The following PRKN variants were observed in gnomAD, a reference collection of about 807,000 sequenced individuals.
The protein encoded by PRKN is E3 ubiquitin-protein ligase parkin.
In PRKN, 56 loss-of-function variants were observed where a neutral mutation model predicts 59.5. That is an observed-to-expected ratio of 0.94 (90% CI 0.76 to 1.18). The LOEUF (loss-of-function observed/expected upper bound fraction) is 1.18, where lower values mean the gene tolerates loss of function less well. Among genes scored for constraint, PRKN ranks in the 50% most tolerant of loss-of-function variants. PRKN has a pLI of 0.00. For missense variants in PRKN, 657 were observed against 596.4 expected (o/e 1.10, Z -1.06); for synonymous variants, 250 against 222.1 (o/e 1.13, Z -1.12).
chr6:161,412,473 T>C (rs1347652282), intron 9 of PRKN, among the ~76,000 whole-genome samples: 1 of 146,810 alleles, frequency 6.8e-6, no homozygotes, highest in African/African-American at 2.6e-5. Flanking sequence ...CACGCATTCC[T>C]CCACTCACTC....
At chr6:161,962,980 A>C (rs1025848036) in intron 6 of PRKN, among the ~76,000 whole-genome samples, 8 of 152,186 alleles carry the variant, frequency 5.3e-5, no homozygotes, top group African/African-American at 1.9e-4. Context: ...CCCCGTCTCT[A>C]CTAAAAATAT....
At chr6:161,939,693 T>C (rs996074422) in intron 6 of PRKN, among the ~76,000 whole-genome samples, 2 of 150,834 alleles carry the variant, frequency 1.3e-5, no homozygotes, top group African/African-American at 2.4e-5. Flanking sequence ...GATCGTGTCA[T>C]TGCACTCCAG....
chr6:162,389,234 G>T (rs17529131), intron 2 of PRKN, among the ~76,000 whole-genome samples: 2,012 of 152,184 alleles, frequency 0.013, 17 homozygotes, highest in Middle Eastern at 0.024. Flanking sequence ...AGCCCAAATA[G>T]CAAGAAGGCA....
chr6:162,637,546 T>G (rs1777775537), intron 1 of PRKN, among the ~76,000 whole-genome samples: 1 of 152,106 alleles, frequency 6.6e-6, no homozygotes. Flanking sequence ...ACTTTGACCT[T>G]CACTTTGAGT....
chr6:162,501,646 G>A (rs1338423164), intron 1 of PRKN, among the ~76,000 whole-genome samples: 1 of 151,584 alleles, frequency 6.6e-6, no homozygotes, highest in East Asian at 1.9e-4. Flanking sequence ...GTGAGCCACC[G>A]CGCCCGGCCA....
intron 4 of PRKN, among the ~76,000 whole-genome samples, chr6:162,178,433 C>A (rs1783636575): frequency 6.6e-6 from 1 of 152,150 alleles, no homozygotes; most frequent in Admixed American, 6.5e-5. Flanking sequence ...GGAATTTGAA[C>A]CTGACAGGCC....
chr6:161,924,302 CAAATAT>C (rs1266338982), intron 6 of PRKN, among the ~76,000 whole-genome samples: 3 of 152,136 alleles, frequency 2.0e-5, no homozygotes, highest in African/African-American at 7.2e-5. Context: ...CACTGATCCT[CAAATAT>C]GAATCCAATG....
intron 4 of PRKN, among the ~76,000 whole-genome samples, chr6:162,188,070 C>T (rs1784105624): frequency 6.6e-6 from 1 of 152,130 alleles, no homozygotes; most frequent in Non-Finnish European, 1.5e-5. Context: ...GAGGAGTTCC[C>T]TGCAAACTCT....
Position 161,400,356 on chromosome 6 carries a change from G to C in PRKN, c.1084-13479C>G, listed in dbSNP as rs185113315. Among the ~76,000 whole-genome samples, 75 of 150,860 alleles carry C rather than the reference G, an allele frequency of 5.0e-4. No homozygotes were observed. The highest frequency in any genetic ancestry group is 3.4e-3 in the Middle Eastern group (1 of 292). Reference sequence around the variant, plus strand: ...GAATTTCACTCTTGTCACCCAGGCTGGAGTGCAATGGCACGATCTCCGCTC... The same window carrying C: ...GAATTTCACTCTTGTCACCCAGGCTCGAGTGCAATGGCACGATCTCCGCTC... On this transcript the variant is annotated intron_variant, in intron 9 of 11. Coordinates refer to ENST00000366898, the MANE Select transcript of PRKN (RefSeq NM_004562.3). The surrounding 1 kb of genome is among the most constrained non-coding windows in gnomAD (Gnocchi z 4.2).
At chr6:161,746,747 G>A (rs991829640) in intron 7 of PRKN, among the ~76,000 whole-genome samples, 2 of 142,670 alleles carry the variant, frequency 1.4e-5, no homozygotes, top group Non-Finnish European at 3.0e-5. Flanking sequence ...TTCTAGATAT[G>A]CACATATATA....
chr6:161,810,242 G>C (rs1211417103), intron 6 of PRKN, among the ~76,000 whole-genome samples: 1 of 152,208 alleles, frequency 6.6e-6, no homozygotes, highest in East Asian at 1.9e-4. Flanking sequence ...GGAGAAGACA[G>C]CCATCTGCAA....
intron 6 of PRKN, among the ~76,000 whole-genome samples, chr6:161,832,168 C>T (rs1401317419): frequency 6.6e-6 from 1 of 152,172 alleles, no homozygotes; most frequent in East Asian, 1.9e-4. Context: ...AGAGCAACTT[C>T]AAGAGAAATG....
chr6:161,695,934 G>A (rs1440301759), intron 7 of PRKN, among the ~76,000 whole-genome samples: 1 of 152,196 alleles, frequency 6.6e-6, no homozygotes, highest in Non-Finnish European at 1.5e-5. Context: ...ATTACATAGT[G>A]GACTGGGTGG....
intron 6 of PRKN, among the ~76,000 whole-genome samples, chr6:161,815,690 G>C (rs968342385): frequency 6.6e-6 from 1 of 152,216 alleles, no homozygotes. Context: ...TGCCTTCAGA[G>C]AGTGGCCAGG....
chr6:162,700,143 G>A (rs1378618485), intron 1 of PRKN, among the ~76,000 whole-genome samples: 1 of 152,122 alleles, frequency 6.6e-6, no homozygotes, highest in East Asian at 1.9e-4. Flanking sequence ...CAAGCATCTG[G>A]ACCTCGTTGG....
chr6:161,830,558 T>C (rs1418274926), intron 6 of PRKN, among the ~76,000 whole-genome samples: 1 of 152,180 alleles, frequency 6.6e-6, no homozygotes, highest in African/African-American at 2.4e-5. Flanking sequence ...GGCCCGCCTT[T>C]GTTTTACTAA....
At chr6:161,452,100 C>T (rs558487217) in intron 9 of PRKN, among the ~76,000 whole-genome samples, 100 of 132,620 alleles carry the variant, frequency 7.5e-4, no homozygotes, top group African/African-American at 2.9e-3. Flanking sequence ...GGATTACAGG[C>T]GCACCACCAC....
chr6:161,675,789 A>G (rs1422517631), intron 7 of PRKN, among the ~76,000 whole-genome samples: 3 of 152,252 alleles, frequency 2.0e-5, no homozygotes, highest in Non-Finnish European at 4.4e-5. Flanking sequence ...GGACTTTTAG[A>G]AATAAAGACA....
chr6:161,749,813 C>T (rs1042142570), intron 7 of PRKN, among the ~76,000 whole-genome samples: 3 of 152,020 alleles, frequency 2.0e-5, no homozygotes, highest in African/African-American at 7.3e-5. Flanking sequence ...ATAAATTCTC[C>T]TTGTACTCCG....
Sources: gnomAD v4.1 joint callset for allele counts (sites outside exome capture counted in the v4.1 genomes callset) on GRCh38, gnomAD v4.1.1 for gene constraint, Gnocchi (gnomAD v3.1) non-coding constraint, MANE v1.5 for transcripts, NCBI Gene and HGNC (gene_info 2026-07-23, HGNC 2026-07-21) for gene names.